ARID5B: variants seen among roughly 807,000 people sequenced by gnomAD.
ARID5B encodes AT-rich interaction domain 5B, also known as AT-rich interactive domain-containing protein 5B.
ARID5B carries 13 observed loss-of-function variants against 97.2 expected under a neutral mutation model. The observed-to-expected ratio is 0.13, with a 90% CI of 0.09 to 0.21. The LOEUF is 0.21. Among genes scored for constraint, ARID5B ranks in the 10% least tolerant of loss-of-function variants. The pLI is 1.00. For missense variants in ARID5B, 1,210 were observed against 1,465.3 expected, an observed-to-expected ratio of 0.83 and a Z score of 2.84; for synonymous variants, 556 against 570.3, an observed-to-expected ratio of 0.97 and a Z score of 0.36.
rs529363116 is a variant in ARID5B, at chr10:61,913,618, C to T, written c.276+11205C>T. 2.6e-5 allele frequency among the ~76,000 whole-genome samples: 4 copies of T among 152,240 alleles called. No individual in the cohort carries two copies. In the East Asian group the frequency reaches 5.8e-4, roughly 22 times the overall value. On this transcript the variant is annotated intron_variant, in intron 2 of 9. Transcript: ENST00000279873. ...CTGAGGAAAGTAGGCAAGTGCTTCC[C>T]GTGGCTGTGTTCTTGGTAGGTCATT...
rs113738227 is a variant in ARID5B, at chr10:62,062,268, G to C, written c.1101+2973G>C. Among the ~76,000 whole-genome samples the C allele has an allele frequency of 9.4e-4, 143 of 152,290 alleles. 2 individuals are homozygous for C. Among genetic ancestry groups the C allele is most frequent in the African/African-American group, 3.2e-3 (135 of 41,540 alleles). ...TGATCTGATATCAGAAACGAGTGTAGACTTGTAGTCATTTAGAACTCAAAA... is the reference window on the plus strand; with the variant it reads ...TGATCTGATATCAGAAACGAGTGTACACTTGTAGTCATTTAGAACTCAAAA... On this transcript the variant is annotated intron_variant, in intron 7 of 9. Coordinates refer to ENST00000279873, the MANE Select transcript of ARID5B (RefSeq NM_032199.3).
At chr10:61,934,444 C>T (rs1047119016) in intron 2 of ARID5B, among the ~76,000 whole-genome samples, 2 of 152,160 alleles carry the variant, frequency 1.3e-5, no homozygotes, top group Non-Finnish European at 2.9e-5. Context: ...TTTGACATGC[C>T]TTCCTCACTA....
At chr10:62,006,328 T>C (rs1285501056) in intron 4 of ARID5B, among the ~76,000 whole-genome samples, 2 of 151,916 alleles carry the variant, frequency 1.3e-5, no homozygotes, top group African/African-American at 2.4e-5. Context: ...TGTAGTCCCA[T>C]CTACTCGGGA....
chr10:61,961,398 A>G (rs1838468456), intron 3 of ARID5B, among the ~76,000 whole-genome samples: 1 of 152,188 alleles, frequency 6.6e-6, no homozygotes. Flanking sequence ...CTCTTGGGCA[A>G]CAGCCTAACC....
At chr10:61,961,163 T>C (rs931015450) in intron 3 of ARID5B, among the ~76,000 whole-genome samples, 3 of 152,262 alleles carry the variant, frequency 2.0e-5, no homozygotes, top group African/African-American at 7.2e-5. Flanking sequence ...TTTTATTATT[T>C]ACTTAATTTT....
intron 4 of ARID5B, among the ~76,000 whole-genome samples, chr10:62,047,128 A>G (rs1211072520): frequency 6.6e-6 from 1 of 152,094 alleles, no homozygotes; most frequent in East Asian, 1.9e-4. Context: ...AACCATTTGT[A>G]TGGTCTGAGA....
intron 4 of ARID5B, among the ~76,000 whole-genome samples, chr10:62,019,047 T>C (rs1318594247): frequency 1.3e-5 from 2 of 152,202 alleles, no homozygotes; most frequent in Admixed American, 1.3e-4. Flanking sequence ...GGAAGCTCCT[T>C]CCATCAATCA....
intron 4 of ARID5B, among the ~76,000 whole-genome samples, chr10:62,002,303 A>T (rs1839089822): frequency 6.6e-6 from 1 of 152,150 alleles, no homozygotes; most frequent in Non-Finnish European, 1.5e-5. Context: ...CAAGCATCTG[A>T]CTTTTGAATG....
At chr10:62,055,962 C>T (rs1029912752) in intron 5 of ARID5B, among the ~76,000 whole-genome samples, 1 of 152,140 alleles carries the variant, frequency 6.6e-6, no homozygotes, top group African/African-American at 2.4e-5. Context: ...AACATTTCCC[C>T]AGCACTTGCC....
In ARID5B at chr10:62,000,437, T is replaced by A; in HGVS notation, c.733+116T>A. ...GCTCACTTTCACAAGCCCCATGTGC[T>A]GCCCCACCCCTCCCATCCCCCAAAT... On this transcript the variant is annotated intron_variant, in intron 4 of 9. Transcript: ENST00000279873. This position sits in a 1 kb window ranked among gnomAD's most constrained non-coding sequence, Gnocchi z 4.4. 1 of 949,050 alleles carries A rather than the reference T, an allele frequency of 1.1e-6. No individual in the cohort carries two copies. The highest frequency in any genetic ancestry group is 1.5e-6 in the Non-Finnish European group (1 of 647,186). The allele number at this position is 949,050 out of a possible 1,614,324, so 58.8% of individuals were successfully genotyped here. A position where few individuals can be genotyped will look rare whatever the true frequency, so the allele number is the denominator to read the frequency against.
intron 3 of ARID5B, among the ~76,000 whole-genome samples, chr10:61,999,579 A>T (rs1564624107): frequency 6.6e-6 from 1 of 152,206 alleles, no homozygotes; most frequent in Admixed American, 6.5e-5. Flanking sequence ...TCACCAGCCC[A>T]GGAAAAGATG....
At chr10:62,037,010 G>C (rs575350846) in intron 4 of ARID5B, among the ~76,000 whole-genome samples, 30 of 152,280 alleles carry the variant, frequency 2.0e-4, no homozygotes, top group Admixed American at 5.2e-4. Context: ...CATGTGAAAA[G>C]CCAAGAACCG....
chr10:61,941,511 T>C (rs1844409845), intron 3 of ARID5B, among the ~76,000 whole-genome samples: 1 of 151,966 alleles, frequency 6.6e-6, no homozygotes, highest in South Asian at 2.1e-4. Context: ...TGTGACAACT[T>C]CCTGGTTTTT....
At chr10:61,987,873 T>C (rs147566999) in intron 3 of ARID5B, among the ~76,000 whole-genome samples, 9 of 152,170 alleles carry the variant, frequency 5.9e-5, no homozygotes, top group African/African-American at 1.7e-4. Flanking sequence ...GGAATTAATA[T>C]AGTAGTCACG....
At chr10:61,906,470 C>T (rs931779267) in intron 2 of ARID5B, among the ~76,000 whole-genome samples, 4 of 152,186 alleles carry the variant, frequency 2.6e-5, no homozygotes, top group Admixed American at 1.3e-4. Context: ...AATCTATTGG[C>T]AGTATACCCT....
In ARID5B at chr10:62,013,815, T is replaced by TATATATATATATATATATATAC. The variant is rs915920250; in HGVS notation, c.733+13495_733+13496insTATATATATATATATATATACA. On this transcript the variant is annotated intron_variant, in intron 4 of 9. Coordinates refer to ENST00000279873, the MANE Select transcript of ARID5B (RefSeq NM_032199.3). ...TTGGGTATATATATATATATATATATACCACATTTTCTCTTTTAATTTTTA... is the reference window on the plus strand; with the variant it reads ...TTGGGTATATATATATATATATATATATATATATATATATATATATACACCACATTTTCTCTTTTAATTTTTA... Among the ~76,000 whole-genome samples, 433 of 147,226 alleles carry TATATATATATATATATATATAC rather than the reference T, an allele frequency of 2.9e-3. 10 individuals carry two copies. Among genetic ancestry groups the TATATATATATATATATATATAC allele is most frequent in the Admixed American group, 0.019 (270 of 13,860 alleles).
intron 2 of ARID5B, among the ~76,000 whole-genome samples, chr10:61,908,303 C>A (rs995913359): frequency 1.3e-5 from 2 of 152,094 alleles, no homozygotes; most frequent in South Asian, 2.1e-4. Context: ...ATAAATTTAT[C>A]AGTCTTGATA....
chr10:61,939,604 G>A (rs1844363473), intron 2 of ARID5B, among the ~76,000 whole-genome samples: 1 of 152,190 alleles, frequency 6.6e-6, no homozygotes, highest in African/African-American at 2.4e-5. Flanking sequence ...GTTTCTTTCA[G>A]TGGGAAGCAC....
chr10:61,948,745 A>G (rs886946391), intron 3 of ARID5B, among the ~76,000 whole-genome samples: 6 of 152,144 alleles, frequency 3.9e-5, no homozygotes, highest in Non-Finnish European at 1.5e-5. Flanking sequence ...CCAGAATAGG[A>G]GTAGATTCTA....
Sources: allele counts gnomAD v4.1 joint callset (sites outside exome capture counted in the v4.1 genomes callset), GRCh38; gene constraint gnomAD v4.1.1; non-coding constraint Gnocchi (gnomAD v3.1); transcripts MANE v1.5; gene names NCBI Gene and HGNC (gene_info 2026-07-23, HGNC 2026-07-21).